Variants in TNFRSF8 observed in about 807,000 individuals in gnomAD.
The protein encoded by TNFRSF8 is tumor necrosis factor receptor superfamily member 8.
In TNFRSF8, 26 loss-of-function variants were observed where a neutral mutation model predicts 70.8. That is an observed-to-expected ratio of 0.37 (90% CI 0.27 to 0.51). TNFRSF8 has a LOEUF of 0.51. Ranked by LOEUF, TNFRSF8 falls within the 20% of genes least tolerant of loss-of-function variation. The pLI, the probability that TNFRSF8 is intolerant of heterozygous loss-of-function variation, is 0.94. For missense variants in TNFRSF8, 720 were observed against 807.9 expected, an observed-to-expected ratio of 0.89 and a Z score of 1.32; for synonymous variants, 356 against 339.2, an observed-to-expected ratio of 1.05 and a Z score of -0.54.
At position 12,108,376 on chromosome 1, in the gene TNFRSF8, C is replaced by A. The variant is rs991718893; in HGVS notation, c.422-1190C>A. 6.6e-6 allele frequency among the ~76,000 whole-genome samples: 1 copy of A among 152,008 alleles called. No individual in the cohort carries two copies. The highest frequency in any genetic ancestry group is 1.9e-4 in the East Asian group (1 of 5,162). ...TACAGGTGTGAGCCACCGTGCCTGG[C>A]GACATACGGGTCACCTTCTAAGTGT... On this transcript the variant is annotated intron_variant, in intron 4 of 14. Coordinates refer to ENST00000263932, the MANE Select transcript of TNFRSF8 (RefSeq NM_001243.5). The surrounding 1 kb of genome is among the most constrained non-coding windows in gnomAD (Gnocchi z 4.0).
At chr1:12,120,025 C>T (rs1301870649) in intron 8 of TNFRSF8, among the ~76,000 whole-genome samples, 1 of 152,160 alleles carries the variant, frequency 6.6e-6, no homozygotes, top group Non-Finnish European at 1.5e-5. Flanking sequence ...CCACCCACCT[C>T]CTTCTTAGTT....
chr1:12,097,247 CCTT>C (rs1641347320), intron 3 of TNFRSF8, 30 bp downstream of exon 3: 1 of 1,557,454 alleles, frequency 6.4e-7, no homozygotes, highest in Non-Finnish European at 8.9e-7. Context: ...TCCAGGGCCT[CCTT>C]CTAGGGAGCA....
chr1:12,138,777 G>T lies in TNFRSF8; in HGVS notation c.1543+341G>T, dbSNP rs11569941. ...ACCTGCCACTTGTCTGGCGCATTCC[G>T]GGCACTGTGTAGGTGCCATCTCTTC... On this transcript the variant is annotated intron_variant, in intron 14 of 14. Transcript: ENST00000263932. The surrounding 1 kb of genome is among the most constrained non-coding windows in gnomAD (Gnocchi z 5.7). Among the ~76,000 whole-genome samples, 6 of 152,286 alleles carry T rather than the reference G, an allele frequency of 3.9e-5. No homozygotes were observed. Among genetic ancestry groups the T allele is most frequent in the African/African-American group, 1.4e-4 (6 of 41,570 alleles).
At chr1:12,104,611 G>C (rs1022831122) in intron 4 of TNFRSF8, 80 bp downstream of exon 4, 2 of 1,547,162 alleles carry the variant, frequency 1.3e-6, no homozygotes, top group Non-Finnish European at 1.8e-6. Context: ...GTGCACTGTT[G>C]ACTTCCGACC....
chr1:12,128,621 T>C (rs1443474986), intron 12 of TNFRSF8, among the ~76,000 whole-genome samples: 2 of 152,138 alleles, frequency 1.3e-5, no homozygotes, highest in Non-Finnish European at 2.9e-5. Flanking sequence ...ATCGTGGTTG[T>C]TGAGATGTTT....
intron 1 of TNFRSF8, among the ~76,000 whole-genome samples, chr1:12,073,063 G>A (rs529117089): frequency 6.6e-6 from 1 of 152,322 alleles, no homozygotes; most frequent in South Asian, 2.1e-4. Context: ...CAAGGCAGGA[G>A]GATCTCATGA....
intron 1 of TNFRSF8, among the ~76,000 whole-genome samples, chr1:12,082,411 G>C (rs1409578028): frequency 6.6e-6 from 1 of 151,780 alleles, no homozygotes. Context: ...ATGGGTGTGG[G>C]GGTGCATGCC....
chr1:12,075,317 C>T (rs867457480), intron 1 of TNFRSF8, among the ~76,000 whole-genome samples: 38 of 151,392 alleles, frequency 2.5e-4, no homozygotes, highest in African/African-American at 7.8e-4. Flanking sequence ...AACTCCTGGG[C>T]TTAAGCAATC....
intron 10 of TNFRSF8, among the ~76,000 whole-genome samples, chr1:12,124,529 G>T (rs1641895201): frequency 6.6e-6 from 1 of 152,122 alleles, no homozygotes; most frequent in African/African-American, 2.4e-5. Flanking sequence ...GCCTCTGTCA[G>T]AGTTAGCTCT....
rs1641198958 is a variant in TNFRSF8, at chr1:12,088,878, TC to T, written c.151+4332del. 6.7e-6 allele frequency among the ~76,000 whole-genome samples: 1 copy of T among 150,172 alleles called. No homozygotes were observed. The highest frequency in any genetic ancestry group is 1.5e-5 in the Non-Finnish European group (1 of 67,532). On this transcript the variant is annotated intron_variant, in intron 2 of 14. Transcript: ENST00000263932. The surrounding 1 kb of genome is among the most constrained non-coding windows in gnomAD (Gnocchi z 4.0). ...CATGACAGCTGCTGCCCCTGCCGCC[TC>T]CCCCTCCCCCGCCCAGTCCCTCTTC...
At chr1:12,140,382 C>A (rs139313762) in intron 14 of TNFRSF8, among the ~76,000 whole-genome samples, 1 of 152,340 alleles carries the variant, frequency 6.6e-6, no homozygotes, top group East Asian at 1.9e-4. Flanking sequence ...GTCTGTACAT[C>A]GTCCCTCTTC....
chr1:12,087,074 TATCCATCCATCCATCC>T (rs57832338), intron 2 of TNFRSF8, among the ~76,000 whole-genome samples: 115 of 115,372 alleles, frequency 1.0e-3, no homozygotes, highest in Middle Eastern at 9.3e-3. Context: ...TCTACCTTTC[TATCCATCCATCCATCC>T]ATCCATCCAT....
At chr1:12,074,581 C>CTGAGA (rs1379535886) in intron 1 of TNFRSF8, among the ~76,000 whole-genome samples, 1 of 152,058 alleles carries the variant, frequency 6.6e-6, no homozygotes, top group Non-Finnish European at 1.5e-5. Flanking sequence ...GGCCCGGCCT[C>CTGAGA]AAACTCACTT....
intron 1 of TNFRSF8, 63 bp from the exon 2 acceptor site, chr1:12,084,401 G>C: frequency 6.9e-7 from 1 of 1,455,730 alleles, no homozygotes; most frequent in Admixed American, 1.7e-5. Flanking sequence ...GGGACTGGTG[G>C]GGACAGAGGG....
At chr1:12,136,470 G>A (rs2101044895) in intron 13 of TNFRSF8, among the ~76,000 whole-genome samples, 1 of 152,104 alleles carries the variant, frequency 6.6e-6, no homozygotes, top group East Asian at 1.9e-4. Flanking sequence ...CCAACATAGT[G>A]AAACCCCGTC....
At chr1:12,134,944 C>T (rs1260706746) in intron 12 of TNFRSF8, among the ~76,000 whole-genome samples, 1 of 152,024 alleles carries the variant, frequency 6.6e-6, no homozygotes, top group African/African-American at 2.4e-5. Context: ...CTGTGCTTCT[C>T]GTGAACCAAT....
rs112978787 is a variant in TNFRSF8 at position 12,108,089 on chromosome 1, T to A, written c.422-1477T>A. ...ACAGGCCACCATTTTTTTATTTTTT[T>A]TTTTTTTGTGATGGAGCCTCGATCT... On this transcript the variant is annotated intron_variant, in intron 4 of 14. Transcript: ENST00000263932. The surrounding 1 kb of genome is among the most constrained non-coding windows in gnomAD (Gnocchi z 4.0). Among the ~76,000 whole-genome samples the A allele has an allele frequency of 0.026, 3,991 of 151,340 alleles. 126 individuals are homozygous for A. Among genetic ancestry groups the A allele is most frequent in the African/African-American group, 0.064 (2,659 of 41,264 alleles).
At chr1:12,135,814 A>C (rs1642135536) in intron 13 of TNFRSF8, among the ~76,000 whole-genome samples, 1 of 152,118 alleles carries the variant, frequency 6.6e-6, no homozygotes, top group Non-Finnish European at 1.5e-5. Context: ...ACCTCTGTGC[A>C]CAGAGGCCTC....
rs999853051 is a variant in TNFRSF8, at chr1:12,073,493, TTCCC to T, written c.63+9844_63+9847del. Among the ~76,000 whole-genome samples, 7 of 151,420 alleles carry T rather than the reference TTCCC, an allele frequency of 4.6e-5. 1 individual carries two copies. The highest frequency in any genetic ancestry group is 1.3e-4 in the Admixed American group (2 of 15,216). ...TCCTTCTTCTTTTCTTCTTCCTTCC[TTCCC>T]TCCCTCCCTCCTTCTCTTCTTTCTT... On this transcript the variant is annotated intron_variant, in intron 1 of 14. Transcript: ENST00000263932.
Sources: gnomAD v4.1 joint callset for allele counts (sites outside exome capture counted in the v4.1 genomes callset) on GRCh38, gnomAD v4.1.1 for gene constraint, Gnocchi (gnomAD v3.1) non-coding constraint, MANE v1.5 for transcripts, NCBI Gene and HGNC (gene_info 2026-07-23, HGNC 2026-07-21) for gene names.